SOX5: variants seen among roughly 807,000 people sequenced by gnomAD.
SOX5 encodes transcription factor SOX-5.
In SOX5, 9 loss-of-function variants were observed where a neutral mutation model predicts 92.0. The observed-to-expected ratio is 0.10, with a 90% confidence interval of 0.06 to 0.17. The LOEUF (loss-of-function observed/expected upper bound fraction) is 0.17. Ranked by LOEUF, SOX5 falls within the 10% of genes least tolerant of loss-of-function variation. The probability of loss-of-function intolerance (pLI) is 1.00; values close to 1 mark genes in which losing one functional copy is unlikely to be tolerated. For synonymous variants in SOX5, 344 were observed against 336.3 expected (o/e 1.02, Z -0.25); for missense variants, 642 against 944.5 (o/e 0.68, Z 4.20).
chr12:24,525,684 A>C (rs137896123), intron 1 of SOX5, among the ~76,000 whole-genome samples: 332 of 152,214 alleles, frequency 2.2e-3, no homozygotes, highest in African/African-American at 7.4e-3. Flanking sequence ...ATCCTGGCTA[A>C]CGCAGTGAAA....
At chr12:24,095,152 G>GAGAC (rs1555507688) in intron 4 of SOX5, among the ~76,000 whole-genome samples, 2 of 137,576 alleles carry the variant, frequency 1.5e-5, no homozygotes, top group African/African-American at 5.2e-5. Context: ...GAGAGAGAGA[G>GAGAC]AGAGACAGAG....
At chr12:24,352,717 TC>T (rs1417850259) in intron 2 of SOX5, among the ~76,000 whole-genome samples, 1 of 152,154 alleles carries the variant, frequency 6.6e-6, no homozygotes, top group Non-Finnish European at 1.5e-5. Flanking sequence ...AAAGCTATCA[TC>T]AAGTATCTCC....
chr12:23,759,050 C>T (rs1158767536), intron 3 of SOX5, among the ~76,000 whole-genome samples: 1 of 151,392 alleles, frequency 6.6e-6, no homozygotes, highest in Non-Finnish European at 1.5e-5. Context: ...CACACACACA[C>T]ACACACACAC....
intron 2 of SOX5, among the ~76,000 whole-genome samples, chr12:24,312,671 C>G (rs1370064567): frequency 2.0e-5 from 3 of 152,136 alleles, no homozygotes; most frequent in Non-Finnish European, 2.9e-5. Flanking sequence ...TGTTGGAATT[C>G]AGAAAGACAT....
chr12:23,616,940 C>A (rs1489963798), intron 8 of SOX5, among the ~76,000 whole-genome samples: 2 of 151,740 alleles, frequency 1.3e-5, no homozygotes, highest in Non-Finnish European at 1.5e-5. Flanking sequence ...GGCAACATAG[C>A]GAAACCCCAT....
At chr12:24,046,828 C>T (rs991660700) in intron 4 of SOX5, among the ~76,000 whole-genome samples, 3 of 148,058 alleles carry the variant, frequency 2.0e-5, no homozygotes, top group Admixed American at 6.9e-5. Flanking sequence ...TACAGTCGCC[C>T]ACCACCATGC....
chr12:24,141,520 C>T (rs1357926709), intron 4 of SOX5, among the ~76,000 whole-genome samples: 2 of 152,074 alleles, frequency 1.3e-5, no homozygotes, highest in African/African-American at 4.8e-5. Flanking sequence ...TGTAATCCAC[C>T]CCTTTTGCCT....
At chr12:23,623,042 C>T (rs1318159414) in intron 8 of SOX5, among the ~76,000 whole-genome samples, 1 of 152,064 alleles carries the variant, frequency 6.6e-6, no homozygotes, top group Non-Finnish European at 1.5e-5. Context: ...CATGGTGAAA[C>T]TTTTAAACCA....
At position 23,759,038 on chromosome 12, in the gene SOX5, C is replaced by G. The variant is rs5003653; in HGVS notation, c.482-3314G>C. ...ACACACACACACACACAGACACACA[C>G]ACACACACACACACACACACACACA... is the stretch of plus-strand genomic sequence containing the variant. On this transcript the variant is annotated intron_variant, in intron 3 of 14. Transcript: ENST00000451604. Among the ~76,000 whole-genome samples, 196 of 16,422 alleles carry G rather than the reference C, an allele frequency of 0.012. No individual in the cohort carries two copies. In the East Asian group the frequency reaches 0.19, roughly 16 times the overall value. 10.8% of individuals were successfully genotyped at this position (16,422 alleles called of 152,430 possible). A position where few individuals can be genotyped will look rare whatever the true frequency, so the allele number is the denominator to read the frequency against.
chr12:24,200,401 T>C (rs1487757946), intron 4 of SOX5, among the ~76,000 whole-genome samples: 1 of 152,192 alleles, frequency 6.6e-6, no homozygotes, highest in Non-Finnish European at 1.5e-5. Context: ...CTTTTATAAA[T>C]CTTGGGTTTG....
chr12:23,562,274 C>A (rs940641732), intron 11 of SOX5, among the ~76,000 whole-genome samples: 1 of 152,108 alleles, frequency 6.6e-6, no homozygotes, highest in African/African-American at 2.4e-5. Context: ...ATATTAGGAC[C>A]AGGGAAAGAG....
intron 4 of SOX5, among the ~76,000 whole-genome samples, chr12:24,096,099 T>G (rs149755078): frequency 4.7e-4 from 72 of 152,278 alleles, no homozygotes; most frequent in Non-Finnish European, 7.5e-4. Context: ...TGTTTTTTCA[T>G]TCATCATGGA....
intron 4 of SOX5, among the ~76,000 whole-genome samples, chr12:23,960,904 T>G (rs551877313): frequency 6.6e-6 from 1 of 152,168 alleles, no homozygotes; most frequent in African/African-American, 2.4e-5. Flanking sequence ...AGGTGTGAGA[T>G]TAAAACTTTT....
At chr12:24,490,902 A>T (rs145060229) in intron 1 of SOX5, among the ~76,000 whole-genome samples, 2 of 152,312 alleles carry the variant, frequency 1.3e-5, no homozygotes, top group Admixed American at 6.5e-5. Flanking sequence ...CTAAAAAATG[A>T]TATCACCCCC....
chr12:24,047,745 T>C (rs1238083748), intron 4 of SOX5, among the ~76,000 whole-genome samples: 1 of 152,194 alleles, frequency 6.6e-6, no homozygotes, highest in East Asian at 1.9e-4. Context: ...CCTGTCAATT[T>C]CTTATGAGGT....
At chr12:23,954,701 GC>G (rs1427593221), upstream of SOX5, among the ~76,000 whole-genome samples, 1 of 151,968 alleles carries the variant, frequency 6.6e-6, no homozygotes, top group Non-Finnish European at 1.5e-5. Flanking sequence ...GTACACAATA[GC>G]CTACAAATTC....
At chr12:23,589,783 T>G (rs1951269077) in intron 9 of SOX5, among the ~76,000 whole-genome samples, 1 of 150,814 alleles carries the variant, frequency 6.6e-6, no homozygotes, top group African/African-American at 2.4e-5. Flanking sequence ...CTACTCATAC[T>G]GCCTTATCTT....
intron 4 of SOX5, among the ~76,000 whole-genome samples, chr12:24,014,788 A>C (rs1953381344): frequency 6.6e-6 from 1 of 152,066 alleles, no homozygotes; most frequent in Admixed American, 6.6e-5. Context: ...ATTTTAAATG[A>C]CTCCTTAAAT....
chr12:24,314,097 A>G (rs1949470048), intron 2 of SOX5, among the ~76,000 whole-genome samples: 1 of 152,170 alleles, frequency 6.6e-6, no homozygotes, highest in Admixed American at 6.5e-5. Context: ...CTAATCCACC[A>G]TGATCTCGTC....
Sources: gnomAD v4.1 joint callset for allele counts (sites outside exome capture counted in the v4.1 genomes callset) on GRCh38, gnomAD v4.1.1 for gene constraint, MANE v1.5 for transcripts, NCBI Gene and HGNC (gene_info 2026-07-23, HGNC 2026-07-21) for gene names.